SLC2A13: variants seen among roughly 807,000 people sequenced by gnomAD.
The protein encoded by SLC2A13 is solute carrier family 2 member 13.
A neutral mutation model predicts 64.4 loss-of-function variants in SLC2A13; 32 were observed. The ratio of observed to expected loss-of-function variants is 0.50; its 90% CI spans 0.37 to 0.67. The LOEUF is 0.67. Ranked by LOEUF, SLC2A13 falls within the 30% of genes least tolerant of loss-of-function variation. The pLI, the probability that SLC2A13 is intolerant of heterozygous loss-of-function variation, is 0.00. For missense variants in SLC2A13, 743 were observed against 829.2 expected (o/e 0.90, Z 1.28); for synonymous variants, 338 against 327.1 (o/e 1.03, Z -0.36).
At chr12:39,813,843 C>A (rs1410340241) in intron 7 of SLC2A13, among the ~76,000 whole-genome samples, 3 of 152,132 alleles carry the variant, frequency 2.0e-5, no homozygotes, top group Non-Finnish European at 4.4e-5. Context: ...CTGAACAGAA[C>A]CCCTACACAG....
intron 7 of SLC2A13, among the ~76,000 whole-genome samples, chr12:39,810,459 C>A (rs1942120949): frequency 6.6e-6 from 1 of 152,072 alleles, no homozygotes; most frequent in African/African-American, 2.4e-5. Flanking sequence ...ATATTCCTTT[C>A]CAAACTGTAT....
At chr12:39,994,708 T>C (rs7967369) in intron 3 of SLC2A13, among the ~76,000 whole-genome samples, 18,724 of 152,176 alleles carry the variant, frequency 0.12, 1,237 homozygotes, top group East Asian at 0.19. Flanking sequence ...TCAGGAAATA[T>C]GGGATCCATG....
intron 7 of SLC2A13, 134 bp from the exon 8 acceptor site, chr12:39,764,992 G>GGGCCGGGCGCGGTGGCT: frequency 2.0e-6 from 2 of 1,019,284 alleles, no homozygotes; most frequent in Non-Finnish European, 2.8e-6. Context: ...TAAAAAATAA[G>GGGCCGGGCGCGGTGGCT]AACTAAATAT....
At chr12:39,933,678 C>A (rs919897987) in intron 4 of SLC2A13, among the ~76,000 whole-genome samples, 6 of 152,164 alleles carry the variant, frequency 3.9e-5, no homozygotes, top group African/African-American at 9.7e-5. Context: ...GTTCAGGAAC[C>A]ATAGCTTTAG....
chr12:39,798,017 G>A (rs1346920221), intron 7 of SLC2A13, among the ~76,000 whole-genome samples: 1 of 152,134 alleles, frequency 6.6e-6, no homozygotes, highest in East Asian at 1.9e-4. Context: ...GATGAAGTGT[G>A]ACTTCAGAAG....
intron 1 of SLC2A13, among the ~76,000 whole-genome samples, chr12:40,093,363 T>A (rs1317245700): frequency 6.6e-6 from 1 of 152,216 alleles, no homozygotes; most frequent in Non-Finnish European, 1.5e-5. Context: ...CTGTTTTAGT[T>A]GTTATCTATA....
intron 3 of SLC2A13, among the ~76,000 whole-genome samples, chr12:39,968,760 G>GTTTATATATATATATATA (rs1555144118): frequency 8.4e-5 from 5 of 59,842 alleles, no homozygotes; most frequent in Non-Finnish European, 1.4e-4. Flanking sequence ...TTTTTTTTTG[G>GTTTATATATATATATATA]TATATATATA....
Position 39,794,123 on chromosome 12 carries a change from C to CAA in SLC2A13, c.1446-29267_1446-29266dup, listed in dbSNP as rs36179669. Among the ~76,000 whole-genome samples the CAA allele has an allele frequency of 5.6e-4, 44 of 78,338 alleles. 1 individual carries two copies. Among genetic ancestry groups the CAA allele is most frequent in the African/African-American group, 2.2e-3 (42 of 19,520 alleles). The allele number at this position is 78,338 out of a possible 152,430, so 51.4% of individuals were successfully genotyped here. A position where few individuals can be genotyped will look rare whatever the true frequency, so the allele number is the denominator to read the frequency against. ...GTATGGCCTGGAATGGGCCAAATTG[C>CAA]AAAAAAAAAAAAAAAAAAAAAAAAA... is the stretch of plus-strand genomic sequence containing the variant. On this transcript the variant is annotated intron_variant, in intron 7 of 9. Coordinates refer to ENST00000280871, the MANE Select transcript of SLC2A13 (RefSeq NM_052885.4).
chr12:39,848,706 A>G (rs1943387033), intron 6 of SLC2A13, among the ~76,000 whole-genome samples: 1 of 152,200 alleles, frequency 6.6e-6, no homozygotes, highest in Admixed American at 6.5e-5. Context: ...ATTCTACCAT[A>G]AAGACACATG....
intron 2 of SLC2A13, among the ~76,000 whole-genome samples, chr12:40,034,290 T>C (rs765869137): frequency 9.2e-5 from 14 of 152,184 alleles, no homozygotes; most frequent in Non-Finnish European, 2.1e-4. Flanking sequence ...CATGAAAGCA[T>C]TAAGGTACAG....
At chr12:39,796,727 T>C (rs1941588334) in intron 7 of SLC2A13, among the ~76,000 whole-genome samples, 1 of 152,202 alleles carries the variant, frequency 6.6e-6, no homozygotes, top group South Asian at 2.1e-4. Context: ...TAGATGGGTC[T>C]TTTGGTTTCA....
intron 2 of SLC2A13, among the ~76,000 whole-genome samples, chr12:40,034,736 C>CT (rs1333624651): frequency 1.3e-5 from 2 of 152,066 alleles, no homozygotes; most frequent in Non-Finnish European, 2.9e-5. Flanking sequence ...AACTCAAAAT[C>CT]TTTTTTTCCT....
intron 2 of SLC2A13, among the ~76,000 whole-genome samples, chr12:40,046,906 CT>C (rs146609362): frequency 2.0e-3 from 284 of 144,688 alleles, no homozygotes; most frequent in East Asian, 2.4e-3. Flanking sequence ...TTCTTTCTTT[CT>C]TTTTTTTTTT....
intron 1 of SLC2A13, among the ~76,000 whole-genome samples, chr12:40,072,719 G>A (rs1258850540): frequency 6.6e-6 from 1 of 151,992 alleles, no homozygotes; most frequent in East Asian, 1.9e-4. Flanking sequence ...ATGTTAGCAT[G>A]GCATATCTTT....
At chr12:39,861,852 A>C (rs1246380388) in intron 6 of SLC2A13, among the ~76,000 whole-genome samples, 3 of 152,112 alleles carry the variant, frequency 2.0e-5, no homozygotes, top group Non-Finnish European at 4.4e-5. Flanking sequence ...TATTAAAAGC[A>C]GATCTAAAAG....
chr12:39,781,501 G>T (rs575970644), intron 7 of SLC2A13, among the ~76,000 whole-genome samples: 1 of 152,272 alleles, frequency 6.6e-6, no homozygotes, highest in South Asian at 2.1e-4. Flanking sequence ...ATACATATTT[G>T]TTTAATGAAG....
chr12:39,895,773 TATGCGTGTATACGTACAC>T (rs1944776738), intron 4 of SLC2A13, among the ~76,000 whole-genome samples: 1 of 93,548 alleles, frequency 1.1e-5, no homozygotes, highest in African/African-American at 4.2e-5. Context: ...CACACATGTA[TATGCGTGTATACGTACAC>T]ACATGTATAT....
intron 6 of SLC2A13, among the ~76,000 whole-genome samples, chr12:39,830,755 T>C (rs1297006247): frequency 6.6e-6 from 1 of 152,172 alleles, no homozygotes; most frequent in Non-Finnish European, 1.5e-5. Context: ...ATAAAAATAC[T>C]ACTACTCAAA....
intron 4 of SLC2A13, among the ~76,000 whole-genome samples, chr12:39,892,236 T>C (rs765630185): frequency 6.6e-6 from 1 of 152,212 alleles, no homozygotes; most frequent in Non-Finnish European, 1.5e-5. Flanking sequence ...CCCTTGTCTA[T>C]CTCATTAATC....
Sources: allele counts gnomAD v4.1 joint callset (sites outside exome capture counted in the v4.1 genomes callset), GRCh38; gene constraint gnomAD v4.1.1; transcripts MANE v1.5; gene names NCBI Gene and HGNC (gene_info 2026-07-23, HGNC 2026-07-21).